The following RBFOX1 variants were observed in gnomAD, a reference collection of about 807,000 sequenced individuals.
The protein encoded by RBFOX1 is RNA binding fox-1 homolog 1.
In RBFOX1, 8 loss-of-function variants were observed where a neutral mutation model predicts 57.7. The ratio of observed to expected loss-of-function variants is 0.14; its 90% CI spans 0.08 to 0.25. The LOEUF is 0.25. Ranked by LOEUF, RBFOX1 falls within the 10% of genes least tolerant of loss-of-function variation. The pLI, the probability that RBFOX1 is intolerant of heterozygous loss-of-function variation, is 1.00. For synonymous variants in RBFOX1, 326 were observed against 222.4 expected, an observed-to-expected ratio of 1.47 and a Z score of -4.15; for missense variants, 611 against 548.5, an observed-to-expected ratio of 1.11 and a Z score of -1.14.
intron 4 of RBFOX1, among the ~76,000 whole-genome samples, chr16:7,104,850 C>T (rs1457950936): frequency 6.6e-5 from 10 of 152,270 alleles, no homozygotes; most frequent in Non-Finnish European, 4.4e-5. Context: ...AGGGAGAACT[C>T]ACTGGTGTAC....
chr16:6,825,240 C>G (rs1444543197), intron 3 of RBFOX1, among the ~76,000 whole-genome samples: 3 of 150,872 alleles, frequency 2.0e-5, no homozygotes, highest in African/African-American at 4.9e-5. Flanking sequence ...TCACTGCCCT[C>G]TAGCTACTAG....
At chr16:5,640,031 T>C (rs1166200630) in intron 3 of RBFOX1, among the ~76,000 whole-genome samples, 1 of 152,088 alleles carries the variant, frequency 6.6e-6, no homozygotes, top group African/African-American at 2.4e-5. Context: ...GGGTGCTGCA[T>C]GTGATAAGGA....
intron 3 of RBFOX1, among the ~76,000 whole-genome samples, chr16:6,809,821 C>G (rs1018365311): frequency 3.3e-5 from 5 of 152,134 alleles, no homozygotes; most frequent in African/African-American, 1.2e-4. Context: ...TTCCAATTCT[C>G]TGGAAGAGTG....
At chr16:7,218,979 A>C (rs1435684636) in intron 4 of RBFOX1, among the ~76,000 whole-genome samples, 5 of 152,102 alleles carry the variant, frequency 3.3e-5, no homozygotes, top group Non-Finnish European at 7.3e-5. Context: ...GGTTCCAAAA[A>C]ACTGCCTGTT....
At chr16:5,673,923 A>G (rs1455753024) in intron 3 of RBFOX1, among the ~76,000 whole-genome samples, 1 of 152,194 alleles carries the variant, frequency 6.6e-6, no homozygotes, top group African/African-American at 2.4e-5. Context: ...CTGGTTACAA[A>G]ACCGAAAGGG....
At chr16:5,249,962 G>T (rs1376719797) in intron 1 of RBFOX1, among the ~76,000 whole-genome samples, 1 of 151,736 alleles carries the variant, frequency 6.6e-6, no homozygotes, top group Non-Finnish European at 1.5e-5. Context: ...GTGAGGAGCA[G>T]GTTGCAGTGA....
At chr16:6,955,732 T>C (rs1361727165) in intron 3 of RBFOX1, among the ~76,000 whole-genome samples, 1 of 151,592 alleles carries the variant, frequency 6.6e-6, no homozygotes, top group Non-Finnish European at 1.5e-5. Context: ...AGAGGGAGTT[T>C]CACTCTTGTT....
At chr16:6,355,602 C>T (rs886724650) in intron 2 of RBFOX1, among the ~76,000 whole-genome samples, 7 of 152,172 alleles carry the variant, frequency 4.6e-5, no homozygotes, top group African/African-American at 1.4e-4. Flanking sequence ...CATACATGTG[C>T]ATATGCCTTT....
intron 3 of RBFOX1, among the ~76,000 whole-genome samples, chr16:6,852,194 G>C (rs1210379047): frequency 6.6e-6 from 1 of 152,062 alleles, no homozygotes; most frequent in East Asian, 1.9e-4. Flanking sequence ...GTTTTGATAG[G>C]GCTCTGCTTT....
chr16:5,448,185 C>T lies in RBFOX1; in HGVS notation c.220-19031C>T, dbSNP rs141741387. 1.1e-3 allele frequency among the ~76,000 whole-genome samples: 172 copies of T among 152,286 alleles called. 1 individual carries two copies. Among genetic ancestry groups the T allele is most frequent in the Non-Finnish European group, 2.1e-3 (145 of 68,022 alleles). ...TTTGGAAATTCTGAGAGCTAAGCCT[C>T]CGCATCTTCAACTGTGAGGGATGGT... is the stretch of plus-strand genomic sequence containing the variant. On this transcript the variant is annotated intron_variant, in intron 1 of 2. Coordinates refer to the RBFOX1 transcript ENST00000585867.
At chr16:5,506,360 C>G (rs1324925551) in intron 2 of RBFOX1, among the ~76,000 whole-genome samples, 1 of 152,204 alleles carries the variant, frequency 6.6e-6, no homozygotes, top group Non-Finnish European at 1.5e-5. Context: ...TGTCCTTTCT[C>G]TCCCTCTCTG....
chr16:7,178,659 C>T (rs1454983604), intron 4 of RBFOX1, among the ~76,000 whole-genome samples: 1 of 152,050 alleles, frequency 6.6e-6, no homozygotes, highest in East Asian at 1.9e-4. Flanking sequence ...GGGTCAGGCA[C>T]CTTTTACTTT....
At chr16:6,485,666 C>A (rs2095463300) in intron 2 of RBFOX1, among the ~76,000 whole-genome samples, 1 of 152,150 alleles carries the variant, frequency 6.6e-6, no homozygotes, top group Admixed American at 6.5e-5. Flanking sequence ...TTTAACCAAG[C>A]AACTAGACTC....
intron 4 of RBFOX1, among the ~76,000 whole-genome samples, chr16:7,379,231 C>G (rs1180635637): frequency 2.0e-5 from 3 of 152,136 alleles, no homozygotes; most frequent in East Asian, 1.9e-4. Context: ...TGACGTTTAG[C>G]TTTTTGATTT....
intron 1 of RBFOX1, among the ~76,000 whole-genome samples, chr16:6,262,324 C>T (rs147788454): frequency 6.6e-6 from 1 of 152,126 alleles, no homozygotes; most frequent in Admixed American, 6.5e-5. Context: ...TTCATTATCC[C>T]GAAATTAGTC....
intron 3 of RBFOX1, among the ~76,000 whole-genome samples, chr16:6,779,725 ATATATTTT>A (rs2080033929): frequency 1.2e-5 from 1 of 86,142 alleles, no homozygotes; most frequent in African/African-American, 6.3e-5. Flanking sequence ...ATATATATTT[ATATATTTT>A]TATATATTTT....
At chr16:6,269,132 A>G (rs999741752) in intron 1 of RBFOX1, among the ~76,000 whole-genome samples, 3 of 152,234 alleles carry the variant, frequency 2.0e-5, no homozygotes, top group Non-Finnish European at 4.4e-5. Flanking sequence ...AACAATAAGC[A>G]TTAGTATGAC....
At chr16:6,738,694 A>G (rs541965849) in intron 3 of RBFOX1, among the ~76,000 whole-genome samples, 1 of 152,186 alleles carries the variant, frequency 6.6e-6, no homozygotes, top group African/African-American at 2.4e-5. Flanking sequence ...CATTCTTTTA[A>G]GGAGCCCATA....
intron 3 of RBFOX1, among the ~76,000 whole-genome samples, chr16:6,851,821 A>T (rs1315349090): frequency 2.0e-5 from 3 of 152,122 alleles, no homozygotes; most frequent in African/African-American, 7.2e-5. Flanking sequence ...CAAGGCGCAG[A>T]CATGGATGAT....
Sources: gnomAD v4.1 joint callset for allele counts (sites outside exome capture counted in the v4.1 genomes callset) on GRCh38, gnomAD v4.1.1 for gene constraint, MANE v1.5 for transcripts, NCBI Gene and HGNC (gene_info 2026-07-23, HGNC 2026-07-21) for gene names.